The following MICU2 variants were observed in gnomAD, a reference collection of about 807,000 sequenced individuals.
MICU2 encodes mitochondrial calcium uptake 2.
MICU2 carries 64 observed loss-of-function variants against 60.4 expected under a neutral mutation model. The observed-to-expected ratio is 1.06, with a 90% CI of 0.87 to 1.31. The LOEUF is 1.31. Ranked by LOEUF, MICU2 falls within the 50% of genes most tolerant of loss-of-function variation. The probability of loss-of-function intolerance (pLI) is 0.00; values close to 1 mark genes in which losing one functional copy is unlikely to be tolerated. For synonymous variants in MICU2, 201 were observed against 175.0 expected (o/e 1.15, Z -1.17); for missense variants, 569 against 531.0 (o/e 1.07, Z -0.70).
chr13:21,546,827 T>C lies in MICU2; in HGVS notation c.359-7139A>G, dbSNP rs573568896. Among the ~76,000 whole-genome samples, 3 of 152,346 alleles carry C rather than the reference T, an allele frequency of 2.0e-5. No homozygotes were observed. The South Asian group carries it at 6.2e-4, about 32-fold the overall frequency. On this transcript the variant is annotated intron_variant, in intron 2 of 11. Coordinates refer to ENST00000382374, the MANE Select transcript of MICU2 (RefSeq NM_152726.3). ...TTTAAAAAAATACAACTGATTTTTA[T>C]ATAGTGCTGCTCAATCCTGTGACCC... is the stretch of plus-strand genomic sequence containing the variant.
At chr13:21,594,555 T>C (rs916607896) in intron 1 of MICU2, among the ~76,000 whole-genome samples, 6 of 152,168 alleles carry the variant, frequency 3.9e-5, no homozygotes, top group African/African-American at 1.4e-4. Flanking sequence ...TATAAATCAT[T>C]CTACTATGCA....
chr13:21,603,508 A>G (rs781006625), intron 1 of MICU2: 3 of 182,150 alleles, frequency 1.6e-5, no homozygotes, highest in Non-Finnish European at 2.3e-5. Context: ...AAAGCTTAAC[A>G]AAGGTATATC....
chr13:21,565,747 T>C, intron 2 of MICU2, among the ~76,000 whole-genome samples: 1 of 151,486 alleles, frequency 6.6e-6, no homozygotes, highest in East Asian at 1.9e-4. Context: ...GCAGGAGAAT[T>C]GCTTGAACCC....
At chr13:21,520,411 T>C (rs751065539) in intron 6 of MICU2, among the ~76,000 whole-genome samples, 23 of 152,222 alleles carry the variant, frequency 1.5e-4, no homozygotes, top group Non-Finnish European at 2.8e-4. Context: ...CCACCAGCAA[T>C]GTAAGAGGTT....
chr13:21,522,713 TA>T, intron 4 of MICU2, 63 bp from the exon 5 acceptor site: 1 of 1,201,232 alleles, frequency 8.3e-7, no homozygotes, highest in Non-Finnish European at 1.2e-6. Context: ...ATAGAGACAT[TA>T]ACATTGAAAT....
chr13:21,498,741 G>A (rs1279554731), intron 9 of MICU2, among the ~76,000 whole-genome samples: 1 of 151,288 alleles, frequency 6.6e-6, no homozygotes, highest in Non-Finnish European at 1.5e-5. Flanking sequence ...TACACAATGG[G>A]AACAATCTCT....
chr13:21,522,761 C>A, intron 4 of MICU2, 111 bp from the exon 5 acceptor site: 1 of 749,586 alleles, frequency 1.3e-6, no homozygotes, highest in Non-Finnish European at 2.0e-6. Flanking sequence ...TTTAAATTAC[C>A]TCTCTTTGAT....
Position 21,560,474 on chromosome 13 carries a change from A to G in MICU2, c.358+6323T>C, listed in dbSNP as rs76937045. ...GGTCAGTTTGTCTATCCCTATGCCA[A>G]TGCCATTTGATCTTAATTACTGAGG... On this transcript the variant is annotated intron_variant, in intron 2 of 11. Transcript: ENST00000382374. Among the ~76,000 whole-genome samples the G allele has an allele frequency of 2.3e-3, 352 of 152,240 alleles. 3 individuals are homozygous for G. Among genetic ancestry groups the G allele is most frequent in the African/African-American group, 7.7e-3 (320 of 41,534 alleles).
At chr13:21,591,962 C>A (rs1888592894) in intron 1 of MICU2, among the ~76,000 whole-genome samples, 1 of 151,198 alleles carries the variant, frequency 6.6e-6, no homozygotes, top group Non-Finnish European at 1.5e-5. Flanking sequence ...CCTAGAGAGG[C>A]AAGGGCAAAT....
chr13:21,554,815 C>T (rs1366066256), intron 2 of MICU2, among the ~76,000 whole-genome samples: 1 of 151,926 alleles, frequency 6.6e-6, no homozygotes, highest in Non-Finnish European at 1.5e-5. Flanking sequence ...CAAATAGATG[C>T]AATAAAAAAT....
chr13:21,519,783 T>G (rs1886671492), intron 6 of MICU2, among the ~76,000 whole-genome samples: 1 of 152,192 alleles, frequency 6.6e-6, no homozygotes, highest in African/African-American at 2.4e-5. Flanking sequence ...CTAAGAATTC[T>G]TCAAATGAGG....
intron 2 of MICU2, among the ~76,000 whole-genome samples, chr13:21,551,642 G>A (rs1283214885): frequency 1.4e-3 from 182 of 133,770 alleles, no homozygotes; most frequent in Non-Finnish European, 2.4e-4. Context: ...CTGTGTCCAC[G>A]TGTTCTCACT....
chr13:21,552,292 G>A (rs926559445), intron 2 of MICU2, among the ~76,000 whole-genome samples: 9 of 151,840 alleles, frequency 5.9e-5, no homozygotes, highest in African/African-American at 2.2e-4. Context: ...TTTTTTTCTT[G>A]TAAATTTGTT....
At chr13:21,566,676 C>A in intron 2 of MICU2, 121 bp downstream of exon 2, 1 of 780,026 alleles carries the variant, frequency 1.3e-6, no homozygotes, top group South Asian at 2.0e-5. Flanking sequence ...TCTAAATAAG[C>A]AAATGCATGG....
chr13:21,567,750 T>A (rs1267405154), intron 1 of MICU2, among the ~76,000 whole-genome samples: 2 of 152,216 alleles, frequency 1.3e-5, no homozygotes. Context: ...TTAGGCACTG[T>A]ACTAATCAAG....
intron 1 of MICU2, among the ~76,000 whole-genome samples, chr13:21,589,132 C>A (rs1012790568): frequency 7.2e-5 from 11 of 152,172 alleles, no homozygotes; most frequent in Non-Finnish European, 1.5e-4. Context: ...AACAACACTG[C>A]CCCTAATGGA....
intron 1 of MICU2, among the ~76,000 whole-genome samples, chr13:21,579,763 T>A (rs1199002706): frequency 2.0e-5 from 3 of 152,124 alleles, no homozygotes; most frequent in African/African-American, 7.2e-5. Context: ...TTTTGTAAGA[T>A]ACCCATGGTC....
chr13:21,514,304 T>C lies in MICU2; in HGVS notation c.663+49A>G, dbSNP rs778445128. 1.3e-5 allele frequency: 19 copies of C among 1,450,174 alleles called. No homozygotes were observed. In the African/African-American group the frequency reaches 1.7e-4, roughly 13 times the overall value. 89.8% of individuals were successfully genotyped at this position (1,450,174 alleles called of 1,614,324 possible). A position where few individuals can be genotyped will look rare whatever the true frequency, so the allele number is the denominator to read the frequency against. ...ATCGGGAATATCTGAACAAACAAAA[T>C]AGAGTAGCTATTATAAATATCAATT... is the stretch of plus-strand genomic sequence containing the variant. On this transcript the variant is annotated intron_variant, in intron 7 of 11. Coordinates refer to ENST00000382374, the MANE Select transcript of MICU2 (RefSeq NM_152726.3).
At chr13:21,553,690 C>A (rs1473799594) in intron 2 of MICU2, among the ~76,000 whole-genome samples, 2 of 151,996 alleles carry the variant, frequency 1.3e-5, no homozygotes, top group Non-Finnish European at 2.9e-5. Context: ...ACAATACTAA[C>A]CTTAAATGTA....
Sources: gnomAD v4.1 joint callset for allele counts (sites outside exome capture counted in the v4.1 genomes callset) on GRCh38, gnomAD v4.1.1 for gene constraint, MANE v1.5 for transcripts, NCBI Gene and HGNC (gene_info 2026-07-23, HGNC 2026-07-21) for gene names.